Variants in STXBP5L observed in about 807,000 individuals in gnomAD.
The protein encoded by STXBP5L is syntaxin-binding protein 5-like.
A neutral mutation model predicts 144.5 loss-of-function variants in STXBP5L; 65 were observed. That is an observed-to-expected ratio of 0.45 (90% CI 0.37 to 0.55). STXBP5L has a LOEUF of 0.55. STXBP5L is among the 20% of genes least tolerant of loss of function. The probability of loss-of-function intolerance (pLI) is 0.00; values close to 1 mark genes in which losing one functional copy is unlikely to be tolerated. For missense variants in STXBP5L, 1,298 were observed against 1,405.5 expected (o/e 0.92, Z 1.22); for synonymous variants, 505 against 469.6 (o/e 1.08, Z -0.97).
At position 121,059,987 on chromosome 3, in the gene STXBP5L, G is replaced by T. The variant is rs1307735447; in HGVS notation, c.470+14452G>T. ...TTTCTTTTGCTTGCCTGATTGCCCT[G>T]GCTAGAACTTCCAATACTATGTTGA... On this transcript the variant is annotated intron_variant, in intron 5 of 26. Coordinates refer to ENST00000471454, the MANE Select transcript of STXBP5L (RefSeq NM_001308330.2). Among the ~76,000 whole-genome samples the T allele has an allele frequency of 2.6e-5, 4 of 152,042 alleles. No individual in the cohort carries two copies. In the East Asian group the frequency reaches 7.7e-4, roughly 29 times the overall value.
In STXBP5L at chr3:121,016,980, A is replaced by G. The variant is rs772862136; in HGVS notation, c.288-24720A>G. Among the ~76,000 whole-genome samples, 3 of 152,222 alleles carry G rather than the reference A, an allele frequency of 2.0e-5. No individual in the cohort carries two copies. The South Asian group carries it at 6.2e-4, about 31-fold the overall frequency. On this transcript the variant is annotated intron_variant, in intron 3 of 26. Coordinates refer to ENST00000471454, the MANE Select transcript of STXBP5L (RefSeq NM_001308330.2). ...AGTATCAAATCCAGACAAAGACATT[A>G]CCAGAAAGGAAAACTACAGACCAAT...
intron 5 of STXBP5L, among the ~76,000 whole-genome samples, chr3:121,091,434 G>A (rs991803237): frequency 1.3e-5 from 2 of 151,890 alleles, no homozygotes; most frequent in Non-Finnish European, 2.9e-5. Context: ...ATCCTCTCCA[G>A]CACCTGTTGT....
At chr3:121,383,977 G>A (rs1041604209) in intron 22 of STXBP5L, among the ~76,000 whole-genome samples, 15 of 152,136 alleles carry the variant, frequency 9.9e-5, no homozygotes. Context: ...CATGCTCTCT[G>A]ACCTTGAATG....
intron 5 of STXBP5L, among the ~76,000 whole-genome samples, chr3:121,060,519 A>G (rs956584563): frequency 3.3e-5 from 5 of 151,974 alleles, no homozygotes; most frequent in African/African-American, 9.7e-5. Context: ...CTCTTTTTCT[A>G]TTGTTTGGAA....
intron 2 of STXBP5L, among the ~76,000 whole-genome samples, chr3:120,923,486 C>G (rs1448491814): frequency 1.3e-5 from 2 of 151,942 alleles, no homozygotes; most frequent in Non-Finnish European, 2.9e-5. Context: ...ATCAACTTCT[C>G]TCCTAGTACT....
chr3:121,042,800 C>A (rs896615874), intron 4 of STXBP5L, among the ~76,000 whole-genome samples: 1 of 151,964 alleles, frequency 6.6e-6, no homozygotes, highest in Non-Finnish European at 1.5e-5. Context: ...ACAAACGTAG[C>A]ATATTTCACC....
chr3:121,058,509 T>A (rs1217663994), intron 5 of STXBP5L, among the ~76,000 whole-genome samples: 3 of 152,228 alleles, frequency 2.0e-5, no homozygotes. Flanking sequence ...GATGGCTGGG[T>A]CAAATGGTAT....
At chr3:121,036,687 A>G (rs1946774159) in intron 3 of STXBP5L, among the ~76,000 whole-genome samples, 1 of 151,778 alleles carries the variant, frequency 6.6e-6, no homozygotes, top group South Asian at 2.1e-4. Flanking sequence ...TTAAGAAAGC[A>G]TCTTAAACTT....
chr3:121,319,622 C>G (rs9834891), intron 20 of STXBP5L, among the ~76,000 whole-genome samples: 15,058 of 152,116 alleles, frequency 0.099, 1,171 homozygotes, highest in Admixed American at 0.2. Context: ...TATTTATTGC[C>G]TCATACCTAT....
chr3:121,212,757 A>C (rs2048626774), intron 10 of STXBP5L, among the ~76,000 whole-genome samples: 1 of 152,164 alleles, frequency 6.6e-6, no homozygotes, highest in Non-Finnish European at 1.5e-5. Context: ...GAAGAAAGTC[A>C]ATGGTAGCTT....
chr3:121,408,737 C>T (rs146776215), intron 23 of STXBP5L, among the ~76,000 whole-genome samples: 19 of 151,954 alleles, frequency 1.3e-4, no homozygotes, highest in African/African-American at 4.3e-4. Context: ...TTAGGACATA[C>T]ACAGGGAGGG....
chr3:121,256,320 A>T (rs564279416), intron 16 of STXBP5L, among the ~76,000 whole-genome samples: 2 of 152,168 alleles, frequency 1.3e-5, no homozygotes, highest in Non-Finnish European at 1.5e-5. Flanking sequence ...TGATATTCCC[A>T]TAATGACATT....
chr3:121,091,999 G>T (rs904803798), intron 5 of STXBP5L, among the ~76,000 whole-genome samples: 1 of 152,068 alleles, frequency 6.6e-6, no homozygotes, highest in Admixed American at 6.6e-5. Flanking sequence ...CATATGGCTA[G>T]CCTGTTTTCC....
In STXBP5L at chr3:121,203,581, A is replaced by G. The variant is rs1186660789; in HGVS notation, c.878-2342A>G. Among the ~76,000 whole-genome samples, 3 of 152,306 alleles carry G rather than the reference A, an allele frequency of 2.0e-5. No individual in the cohort carries two copies. In the East Asian group the frequency reaches 5.8e-4, roughly 29 times the overall value. ...CAACATGACATTTAATCATGTTTCA[A>G]TTAGTGACAGTCAATAAGTATAATC... On this transcript the variant is annotated intron_variant, in intron 9 of 26. Transcript: ENST00000471454.
chr3:121,171,323 T>G (rs969629826), intron 9 of STXBP5L, among the ~76,000 whole-genome samples: 2 of 152,136 alleles, frequency 1.3e-5, no homozygotes, highest in African/African-American at 2.4e-5. Flanking sequence ...CTCTCACCAC[T>G]GCTATTCAAC....
At chr3:121,283,863 G>A (rs2108447502) in intron 19 of STXBP5L, among the ~76,000 whole-genome samples, 1 of 151,246 alleles carries the variant, frequency 6.6e-6, no homozygotes, top group South Asian at 2.1e-4. Context: ...TTAGCCTTCT[G>A]AAGGTAGGAT....
At chr3:121,055,668 C>A (rs548991512) in intron 5 of STXBP5L, among the ~76,000 whole-genome samples, 1 of 147,748 alleles carries the variant, frequency 6.8e-6, no homozygotes, top group East Asian at 2.0e-4. Context: ...TGCTACCATA[C>A]CCAGCTATTT....
intron 9 of STXBP5L, among the ~76,000 whole-genome samples, chr3:121,178,333 C>T (rs775994977): frequency 2.0e-5 from 3 of 152,158 alleles, no homozygotes; most frequent in Admixed American, 6.5e-5. Flanking sequence ...GTCTCCCTTA[C>T]AGGTAAGTTG....
At chr3:121,140,499 T>C (rs1159006404) in intron 7 of STXBP5L, among the ~76,000 whole-genome samples, 2 of 152,154 alleles carry the variant, frequency 1.3e-5, no homozygotes, top group African/African-American at 4.8e-5. Flanking sequence ...TTATCCATCA[T>C]TGGATAAATA....
Sources: gnomAD v4.1 joint callset for allele counts (sites outside exome capture counted in the v4.1 genomes callset) on GRCh38, gnomAD v4.1.1 for gene constraint, MANE v1.5 for transcripts, NCBI Gene and HGNC (gene_info 2026-07-23, HGNC 2026-07-21) for gene names.